Variants in PCLO observed in about 807,000 individuals in gnomAD.
PCLO encodes the protein protein piccolo.
PCLO carries 82 observed loss-of-function variants against 427.5 expected under a neutral mutation model. The ratio of observed to expected loss-of-function variants is 0.19; its 90% CI spans 0.16 to 0.23. The LOEUF (loss-of-function observed/expected upper bound fraction) is 0.23, where lower values mean the gene tolerates loss of function less well. PCLO is among the 10% of genes least tolerant of loss of function. The pLI is 1.00. For missense variants in PCLO, 6,239 were observed against 6,115.9 expected, an observed-to-expected ratio of 1.02 and a Z score of -0.67; for synonymous variants, 2,357 against 2,155.4, an observed-to-expected ratio of 1.09 and a Z score of -2.59.
intron 22 of PCLO, 71 bp from the exon 23 acceptor site, chr7:82,761,564 T>A: frequency 9.2e-7 from 1 of 1,084,884 alleles, no homozygotes; most frequent in Non-Finnish European, 1.4e-6. Flanking sequence ...CAGTAATTCA[T>A]TCATACATTC....
In PCLO at chr7:83,156,597, ACAAG is replaced by A. The variant is rs570094887; in HGVS notation, c.249-209_249-206del. Among the ~76,000 whole-genome samples, 15 of 151,862 alleles carry A rather than the reference ACAAG, an allele frequency of 9.9e-5. No individual in the cohort carries two copies. The East Asian group carries it at 2.1e-3, about 22-fold the overall frequency. ...TTCTTTAAATGGGTAGAGATTTTCA[ACAAG>A]CAAGTGAAGAAAAAAAAACTTGCTC... On this transcript the variant is annotated intron_variant, in intron 1 of 24. Transcript: ENST00000333891.
chr7:83,112,446 C>T (rs6943995), intron 3 of PCLO, among the ~76,000 whole-genome samples: 78,425 of 151,908 alleles, frequency 0.52, 20,800 homozygotes, highest in African/African-American at 0.64. Flanking sequence ...AATGACAAAG[C>T]TTTTTCTTAA....
chr7:83,062,404 A>G (rs1422677456), intron 3 of PCLO, among the ~76,000 whole-genome samples: 4 of 152,200 alleles, frequency 2.6e-5, no homozygotes, highest in African/African-American at 9.6e-5. Context: ...GGAGCTAATC[A>G]TTTGAATCTG....
chr7:82,853,301 G>A (rs1792713772), intron 10 of PCLO, among the ~76,000 whole-genome samples: 1 of 151,988 alleles, frequency 6.6e-6, no homozygotes, highest in Non-Finnish European at 1.5e-5. Context: ...GGCTCAATCT[G>A]CCTTCTAGCC....
intron 22 of PCLO, 128 bp downstream of exon 22, chr7:82,801,390 T>C (rs1791348974): frequency 5.5e-6 from 3 of 545,866 alleles, no homozygotes; most frequent in Admixed American, 7.1e-5. Flanking sequence ...GATAATGATA[T>C]CTTACTACCT....
chr7:83,006,161 C>A (rs1787940884), intron 3 of PCLO, among the ~76,000 whole-genome samples: 1 of 151,582 alleles, frequency 6.6e-6, no homozygotes, highest in African/African-American at 2.4e-5. Flanking sequence ...AAAAGAGCCA[C>A]AGCTTTAAAA....
At position 83,156,075 on chromosome 7, in the gene PCLO, G is replaced by A; in HGVS notation, c.566C>T (p.Thr189Ile). The A allele has an allele frequency of 4.3e-6, 7 of 1,613,668 alleles. No homozygotes were observed. The highest frequency in any genetic ancestry group is 5.9e-6 in the Non-Finnish European group (7 of 1,179,832). Residue 189 changes from threonine to isoleucine, a missense_variant, in exon 2 of 25, where the codon ACC becomes ATC. Physicochemically the swap from Thr to Ile is moderately conservative, Grantham distance 89. Around this residue, in one of 5 missense-constraint regions of PCLO, gnomAD observed 4,677 missense variants for 4,468.4 expected, o/e 1.05. Transcript: ENST00000333891. Reference protein sequence around the residue: ...ISDSEASQEETTKKQKVVQKE... With the variant: ...ISDSEASQEEITKKQKVVQKE... ...CTGAACCACTTTTTGTTTCTTGGTG[G>A]TTTCTTCCTGGGATGCCTCAGAGTC...
At chr7:83,102,704 A>G (rs1398747525) in intron 3 of PCLO, among the ~76,000 whole-genome samples, 1 of 151,900 alleles carries the variant, frequency 6.6e-6, no homozygotes, top group Non-Finnish European at 1.5e-5. Context: ...ATCAATACAC[A>G]TTGGATACAT....
At chr7:82,974,715 T>C (rs1034413063) in intron 3 of PCLO, among the ~76,000 whole-genome samples, 2 of 152,176 alleles carry the variant, frequency 1.3e-5, no homozygotes, top group Non-Finnish European at 2.9e-5. Flanking sequence ...CAAGTTAATT[T>C]TTAAAATGTA....
intron 3 of PCLO, among the ~76,000 whole-genome samples, chr7:83,047,881 TCA>T (rs1482656879): frequency 1.3e-5 from 2 of 151,838 alleles, no homozygotes; most frequent in East Asian, 3.9e-4. Flanking sequence ...CATCTACCTC[TCA>T]CACACAACAC....
At chr7:82,988,758 T>C (rs1352767049) in intron 3 of PCLO, among the ~76,000 whole-genome samples, 1 of 152,128 alleles carries the variant, frequency 6.6e-6, no homozygotes, top group Non-Finnish European at 1.5e-5. Context: ...ACTTATTTGA[T>C]TGAGTCAGGG....
chr7:82,924,597 A>C (rs1454344271), intron 6 of PCLO, among the ~76,000 whole-genome samples: 1 of 152,136 alleles, frequency 6.6e-6, no homozygotes, highest in African/African-American at 2.4e-5. Flanking sequence ...CTGAAAAATT[A>C]TGTAAGTCCT....
In PCLO at chr7:82,928,227, G is replaced by C. The variant is rs60368682; in HGVS notation, c.11113-11354C>G. The stretch of plus-strand genomic sequence containing the variant: ...TGATTAGCATAGACTAGGCATTCAA[G>C]TGTTTGCTATATGTACTTGAAGCAA... On this transcript the variant is annotated intron_variant, in intron 6 of 24. Coordinates refer to ENST00000333891, the MANE Select transcript of PCLO (RefSeq NM_033026.6). Among the ~76,000 whole-genome samples, 980 of 152,256 alleles carry C rather than the reference G, an allele frequency of 6.4e-3. 9 individuals carry two copies. Among genetic ancestry groups the C allele is most frequent in the African/African-American group, 0.022 (927 of 41,548 alleles).
intron 2 of PCLO, among the ~76,000 whole-genome samples, chr7:83,139,865 T>A (rs1791820326): frequency 6.6e-6 from 1 of 152,228 alleles, no homozygotes; most frequent in South Asian, 2.1e-4. Context: ...CTCCTTTTTA[T>A]TTAATTATAC....
chr7:82,965,748 G>A (rs761938863), intron 4 of PCLO, 23 bp downstream of exon 4: 14 of 1,492,902 alleles, frequency 9.4e-6, no homozygotes, highest in Non-Finnish European at 1.3e-5. Flanking sequence ...GAGAGTGTGA[G>A]AAGTTAGTAA....
chr7:83,097,677 T>C (rs956086750), intron 3 of PCLO, among the ~76,000 whole-genome samples: 2 of 151,514 alleles, frequency 1.3e-5, no homozygotes, highest in Admixed American at 6.6e-5. Context: ...CAAAAAATTT[T>C]GATCTTCAAC....
intron 3 of PCLO, among the ~76,000 whole-genome samples, chr7:83,069,443 G>A (rs950087079): frequency 3.3e-5 from 5 of 152,046 alleles, no homozygotes; most frequent in Non-Finnish European, 7.4e-5. Flanking sequence ...AAATCATCAT[G>A]TTGTATACCT....
chr7:83,018,984 T>G (rs1158986363), intron 3 of PCLO, among the ~76,000 whole-genome samples: 1 of 151,928 alleles, frequency 6.6e-6, no homozygotes, highest in African/African-American at 2.4e-5. Context: ...ATAAAAGAAG[T>G]GATAATGAAA....
intron 21 of PCLO, among the ~76,000 whole-genome samples, chr7:82,805,424 G>A (rs1170696594): frequency 6.6e-6 from 1 of 152,130 alleles, no homozygotes; most frequent in Non-Finnish European, 1.5e-5. Context: ...TTCTGGCATG[G>A]CTAAGTGATT....
Sources: allele counts gnomAD v4.1 joint callset (sites outside exome capture counted in the v4.1 genomes callset), GRCh38; gene constraint gnomAD v4.1.1; regional missense constraint gnomAD v4.1.1; transcripts MANE v1.5; gene names NCBI Gene and HGNC (gene_info 2026-07-23, HGNC 2026-07-21).